The following RAB9B variants were observed in gnomAD, a reference collection of about 807,000 sequenced individuals.
RAB9B encodes RAB9B, member RAS oncogene family.
In RAB9B, 1 loss-of-function variant was observed where a neutral mutation model predicts 8.9. The ratio of observed to expected loss-of-function variants is 0.11; its 90% CI spans 0.04 to 0.53. The LOEUF is 0.53. Among genes scored for constraint, RAB9B ranks in the 20% least tolerant of loss-of-function variants. The pLI is 0.93. For missense variants in RAB9B, 82 were observed against 152.9 expected (o/e 0.54, Z 2.45); for synonymous variants, 63 against 57.0 (o/e 1.10, Z -0.47).
the RAB9B span, among the ~76,000 whole-genome samples, chrX:103,812,141 G>A: frequency 1.8e-5 from 2 of 110,100 alleles, no homozygotes; most frequent in East Asian, 5.8e-4. Flanking sequence ...AAACAGGTAT[G>A]TGCCACCATA....
chrX:103,811,547 T>G, the RAB9B span, among the ~76,000 whole-genome samples: 2 of 111,790 alleles, frequency 1.8e-5, no homozygotes, highest in Non-Finnish European at 3.8e-5. Flanking sequence ...TCTGCCAGAA[T>G]GTCAAATAAA....
intron 1 of RAB9B, among the ~76,000 whole-genome samples, chrX:103,828,771 A>T (rs1474094389): frequency 8.9e-6 from 1 of 111,776 alleles, no homozygotes; most frequent in African/African-American, 3.3e-5. Context: ...TGCATTCCCT[A>T]TTTGGTTATG....
chrX:103,781,353 A>G, the RAB9B span: 1 of 311,815 alleles, frequency 3.2e-6, no homozygotes, highest in Non-Finnish European at 6.3e-6. Context: ...CGCTGTGAAG[A>G]GCGCTGGTGA....
chrX:103,786,461 G>A, the RAB9B span: 1 of 1,208,320 alleles, frequency 8.3e-7, no homozygotes, highest in Non-Finnish European at 1.1e-6. Context: ...ACCTGTTAAT[G>A]CAGGATCCAT....
At chrX:103,825,920 A>C in intron 2 of RAB9B, 94 bp from the exon 3 acceptor site, 1 of 635,881 alleles carries the variant, frequency 1.6e-6, no homozygotes, top group Non-Finnish European at 2.4e-6. Context: ...AGGCCTTCTC[A>C]TTCAACTTCT....
chrX:103,824,468 G>C lies in RAB9B; in HGVS notation c.*711C>G, dbSNP rs2074675395. ...GCAGACCAACCATTTATTTGCAAAG[G>C]TGGTTGGCATATTTAAGCATAATCC... On this transcript the variant is annotated 3_prime_UTR_variant, in exon 3 of 3. Coordinates refer to ENST00000243298, the MANE Select transcript of RAB9B (RefSeq NM_016370.4). 1 of 112,315 alleles carries C rather than the reference G, an allele frequency of 8.9e-6. No individual in the cohort carries two copies. The highest frequency in any genetic ancestry group is 1.9e-5 in the Non-Finnish European group (1 of 53,281). The allele number at this position is 112,315 out of a possible 1,213,427, so 9.3% of individuals were successfully genotyped here.
At chrX:103,812,531 C>A in the RAB9B span, among the ~76,000 whole-genome samples, 1 of 111,916 alleles carries the variant, frequency 8.9e-6, no homozygotes, top group Non-Finnish European at 1.9e-5. Flanking sequence ...TTAAATCAGA[C>A]TTTTAAAGAC....
chrX:103,798,529 A>G, the RAB9B span, among the ~76,000 whole-genome samples: 3 of 112,266 alleles, frequency 2.7e-5, no homozygotes, highest in African/African-American at 9.7e-5. Flanking sequence ...GCAGTGTTCA[A>G]TAAATTACGT....
chrX:103,780,140 G>A, the RAB9B span: 1 of 112,763 alleles, frequency 8.9e-6, no homozygotes, highest in Non-Finnish European at 1.9e-5. Context: ...GCTCTGCACT[G>A]GCCTCTGAGC....
the RAB9B span, chrX:103,787,928 C>T: frequency 8.3e-7 from 1 of 1,208,868 alleles, no homozygotes; most frequent in African/African-American, 1.7e-5. Flanking sequence ...AAGACCTCTG[C>T]CAGTATAGGC....
the RAB9B span, among the ~76,000 whole-genome samples, chrX:103,794,365 C>T: frequency 8.9e-6 from 1 of 111,882 alleles, no homozygotes; most frequent in South Asian, 3.8e-4. Context: ...TGCTTCTTGC[C>T]TTACATGTGA....
chrX:103,796,411 G>A, the RAB9B span, among the ~76,000 whole-genome samples: 96 of 111,812 alleles, frequency 8.6e-4, no homozygotes, highest in South Asian at 5.0e-3. Flanking sequence ...AGAGGTTGCA[G>A]TGTGCCGAGA....
rs952933138 is a variant in RAB9B, at chrX:103,822,534, T to G, written c.*2645A>C. 8.9e-6 allele frequency: 1 copy of G among 111,755 alleles called. No homozygotes were observed. Among genetic ancestry groups the G allele is most frequent in the East Asian group, 2.8e-4 (1 of 3,585 alleles). The allele number at this position is 111,755 out of a possible 1,213,427, so 9.2% of individuals were successfully genotyped here. A position where few individuals can be genotyped will look rare whatever the true frequency, so the allele number is the denominator to read the frequency against. ...CAATCCACTGAAGACATATGGAATC[T>G]GAGGCCCCTGAAAGTTAGCCAATAC... On this transcript the variant is annotated 3_prime_UTR_variant, in exon 3 of 3. Coordinates refer to ENST00000243298, the MANE Select transcript of RAB9B (RefSeq NM_016370.4).
the RAB9B span, among the ~76,000 whole-genome samples, chrX:103,801,624 G>A: frequency 1.6e-4 from 18 of 111,793 alleles, no homozygotes; most frequent in African/African-American, 5.5e-4. Flanking sequence ...GTCCAGAGAT[G>A]AGCACTATTA....
At position 103,825,740 on chromosome X, in the gene RAB9B, A is replaced by G; in HGVS notation, c.45T>C (p.Asp15=). The G allele has an allele frequency of 8.3e-7, 1 of 1,202,876 alleles. No individual in the cohort carries two copies. Among genetic ancestry groups the G allele is most frequent in the Non-Finnish European group, 1.1e-6 (1 of 889,966 alleles). The change falls in exon 3 of 3, where the codon GAT becomes GAC. Residue 15 remains aspartate (D), a synonymous_variant. Coordinates refer to ENST00000243298, the MANE Select transcript of RAB9B (RefSeq NM_016370.4). ...TAAGCGAACTTTTCCCAACTCCACC[A>G]TCACCCAAGAGAATGACCTTTAAGA... ...SLLLKVILLG[D]GGVGKSSLMN...
downstream of RAB9B, among the ~76,000 whole-genome samples, chrX:103,821,178 T>A (rs895173174): frequency 1.0e-4 from 11 of 109,731 alleles, no homozygotes; most frequent in African/African-American, 1.3e-4. Flanking sequence ...AAAAAAAAAA[T>A]AATCAGTTAC....
chrX:103,783,960 C>CATATATTTATATATATAT, the RAB9B span, among the ~76,000 whole-genome samples: 2 of 111,838 alleles, frequency 1.8e-5, no homozygotes, highest in Non-Finnish European at 3.8e-5. Flanking sequence ...TATATATATA[C>CATATATTTATATATATAT]ATACATATGA....
At chrX:103,821,870 C>G (rs2074662329), downstream of RAB9B, among the ~76,000 whole-genome samples, 1 of 110,478 alleles carries the variant, frequency 9.1e-6, no homozygotes, top group African/African-American at 3.3e-5. Context: ...TTTAGTGTAC[C>G]CATCACCAGA....
intron 1 of RAB9B, among the ~76,000 whole-genome samples, chrX:103,831,538 C>T (rs990893919): frequency 2.0e-5 from 2 of 99,944 alleles, no homozygotes; most frequent in Non-Finnish European, 4.0e-5. Context: ...CTGGCATCGT[C>T]CCCAGGACAC....
Sources: allele counts gnomAD v4.1 joint callset (sites outside exome capture counted in the v4.1 genomes callset), GRCh38; gene constraint gnomAD v4.1.1; transcripts MANE v1.5; gene names NCBI Gene and HGNC (gene_info 2026-07-23, HGNC 2026-07-21).